The following SMIM13 variants were observed in gnomAD, a reference collection of about 807,000 sequenced individuals.
The protein encoded by SMIM13 is UPF0766 protein C6orf228.
SMIM13 carries 3 observed loss-of-function variants against 5.9 expected under a neutral mutation model. The ratio of observed to expected loss-of-function variants is 0.51; its 90% CI spans 0.23 to 1.31. The LOEUF (loss-of-function observed/expected upper bound fraction) is 1.31. Among genes scored for constraint, SMIM13 ranks in the 40% most tolerant of loss-of-function variants. SMIM13 has a pLI of 0.18. For missense variants in SMIM13, 85 were observed against 109.9 expected (o/e 0.77, Z 1.01); for synonymous variants, 55 against 46.0 (o/e 1.19, Z -0.79).
intron 1 of SMIM13, among the ~76,000 whole-genome samples, chr6:11,120,903 C>T (rs750770437): frequency 9.9e-5 from 15 of 152,218 alleles, no homozygotes; most frequent in Non-Finnish European, 1.6e-4. Flanking sequence ...AATTACACTT[C>T]TCCCCTGGGT....
At chr6:11,130,267 A>AAAAAC (rs1554119989) in intron 1 of SMIM13, among the ~76,000 whole-genome samples, 17 of 145,746 alleles carry the variant, frequency 1.2e-4, no homozygotes, top group African/African-American at 4.3e-4. Flanking sequence ...AAAAAAAAAA[A>AAAAAC]AACAACAACA....
chr6:11,101,969 A>G (rs6456846), intron 1 of SMIM13, among the ~76,000 whole-genome samples: 22,145 of 152,042 alleles, frequency 0.15, 1,781 homozygotes, highest in Non-Finnish European at 0.18. Context: ...TGAACTCCTG[A>G]TCTGGTGATC....
chr6:11,098,109 C>T (rs1757947992), intron 1 of SMIM13, among the ~76,000 whole-genome samples: 1 of 152,188 alleles, frequency 6.6e-6, no homozygotes, highest in African/African-American at 2.4e-5. Context: ...ACTGGGAACA[C>T]AGTTCCTGTC....
At chr6:11,117,339 ATTTT>A (rs34219527) in intron 1 of SMIM13, among the ~76,000 whole-genome samples, 2 of 133,040 alleles carry the variant, frequency 1.5e-5, no homozygotes, top group Admixed American at 1.5e-4. Flanking sequence ...AATTTTTTGT[ATTTT>A]TTTTTTTTTT....
At chr6:11,123,056 A>T (rs1457141075) in intron 1 of SMIM13, among the ~76,000 whole-genome samples, 1 of 152,158 alleles carries the variant, frequency 6.6e-6, no homozygotes, top group Non-Finnish European at 1.5e-5. Context: ...GTAAATAAAT[A>T]AAAACATCCA....
At chr6:11,108,796 T>G (rs9468427) in intron 1 of SMIM13, among the ~76,000 whole-genome samples, 117,409 of 152,040 alleles carry the variant, frequency 0.77, 46,093 homozygotes, top group African/African-American at 0.91. Flanking sequence ...TAATATCTGG[T>G]GTTGTTTGAG....
intron 1 of SMIM13, among the ~76,000 whole-genome samples, chr6:11,131,426 C>T (rs1370315443): frequency 2.0e-5 from 3 of 148,132 alleles, no homozygotes; most frequent in African/African-American, 5.0e-5. Context: ...TTACTGAAAT[C>T]GATAAGATGA....
At chr6:11,103,615 T>C (rs1758031734) in intron 1 of SMIM13, 2 of 1,464,252 alleles carry the variant, frequency 1.4e-6, no homozygotes, top group South Asian at 2.9e-5. Flanking sequence ...GCAAAAACCA[T>C]ATCCAGCCAG....
chr6:11,121,151 A>G (rs537656655), intron 1 of SMIM13, among the ~76,000 whole-genome samples: 20 of 152,334 alleles, frequency 1.3e-4, no homozygotes, highest in African/African-American at 4.8e-4. Context: ...GAAGCAAGAC[A>G]TAAACTTCCT....
chr6:11,120,355 A>G (rs1224669951), intron 1 of SMIM13, among the ~76,000 whole-genome samples: 1 of 152,216 alleles, frequency 6.6e-6, no homozygotes, highest in Non-Finnish European at 1.5e-5. Context: ...AGATCAAGGT[A>G]CTGGCAGATT....
chr6:11,118,639 G>A (rs1758271201), intron 1 of SMIM13, among the ~76,000 whole-genome samples: 1 of 152,150 alleles, frequency 6.6e-6, no homozygotes, highest in Admixed American at 6.5e-5. Context: ...TCATATTGAG[G>A]TAATAGTATT....
chr6:11,106,575 C>A (rs1554118655), intron 1 of SMIM13, among the ~76,000 whole-genome samples: 1 of 152,176 alleles, frequency 6.6e-6, no homozygotes, highest in Non-Finnish European at 1.5e-5. Flanking sequence ...GTTCTCCCAA[C>A]CTATATCATC....
chr6:11,129,596 A>C (rs773845079), intron 1 of SMIM13, among the ~76,000 whole-genome samples: 3 of 152,052 alleles, frequency 2.0e-5, no homozygotes, highest in Non-Finnish European at 4.4e-5. Context: ...TAGTTTTTTG[A>C]GGAACTTAAA....
chr6:11,095,084 A>G (rs6938870), intron 1 of SMIM13, among the ~76,000 whole-genome samples: 32,843 of 152,206 alleles, frequency 0.22, 3,898 homozygotes, highest in African/African-American at 0.31. Flanking sequence ...ATAGTAGCTG[A>G]TAACCACAGG....
At chr6:11,104,225 G>T (rs1379480021) in intron 1 of SMIM13, 1 of 1,551,688 alleles carries the variant, frequency 6.4e-7, no homozygotes, top group Non-Finnish European at 8.7e-7. Flanking sequence ...CAGCTAGAAT[G>T]CCGAGTCCCG....
intron 1 of SMIM13, chr6:11,104,930 A>G (rs1297256763): frequency 1.2e-6 from 2 of 1,614,230 alleles, no homozygotes; most frequent in South Asian, 1.1e-5. Flanking sequence ...TTTTGGCCAT[A>G]ACACAAATAG....
chr6:11,097,962 T>C (rs943075859), intron 1 of SMIM13, among the ~76,000 whole-genome samples: 7 of 149,850 alleles, frequency 4.7e-5, no homozygotes, highest in African/African-American at 1.7e-4. Context: ...CCCCACCCAA[T>C]TTCTGAGATT....
chr6:11,128,720 A>G (rs2113667344), intron 1 of SMIM13, among the ~76,000 whole-genome samples: 1 of 152,030 alleles, frequency 6.6e-6, no homozygotes, highest in Non-Finnish European at 1.5e-5. Context: ...GGGGTGGGCA[A>G]TTTCCCTATG....
At chr6:11,100,298 G>C (rs1237305074) in intron 1 of SMIM13, among the ~76,000 whole-genome samples, 1 of 152,062 alleles carries the variant, frequency 6.6e-6, no homozygotes, top group Non-Finnish European at 1.5e-5. Flanking sequence ...CTGACCTCGT[G>C]ATCCACCTGC....
Sources: gnomAD v4.1 joint callset for allele counts (sites outside exome capture counted in the v4.1 genomes callset) on GRCh38, gnomAD v4.1.1 for gene constraint, MANE v1.5 for transcripts, NCBI Gene and HGNC (gene_info 2026-07-23, HGNC 2026-07-21) for gene names.